The following TSGA10 variants were observed in gnomAD, a reference collection of about 807,000 sequenced individuals.
TSGA10 encodes testis specific 10, also known as testis-specific gene 10 protein.
A neutral mutation model predicts 96.6 loss-of-function variants in TSGA10; 43 were observed. The observed-to-expected ratio is 0.44, with a 90% CI of 0.35 to 0.57. The LOEUF (loss-of-function observed/expected upper bound fraction) is 0.57, where lower values mean the gene tolerates loss of function less well. Among genes scored for constraint, TSGA10 ranks in the 20% least tolerant of loss-of-function variants. The pLI is 0.01. For synonymous variants in TSGA10, 229 were observed against 269.9 expected (o/e 0.85, Z 1.48); for missense variants, 703 against 834.4 (o/e 0.84, Z 1.94).
intron 14 of TSGA10, among the ~76,000 whole-genome samples, chr2:99,069,228 C>A (rs1382922269): frequency 6.6e-6 from 1 of 152,104 alleles, no homozygotes; most frequent in African/African-American, 2.4e-5. Flanking sequence ...AAAAACTCTA[C>A]TAGCAACTGA....
chr2:99,124,554 G>A (rs1189750868), intron 2 of TSGA10, among the ~76,000 whole-genome samples: 1 of 151,738 alleles, frequency 6.6e-6, no homozygotes, highest in Non-Finnish European at 1.5e-5. Flanking sequence ...TGGTATATTT[G>A]TTACAATTGA....
chr2:99,043,692 C>T (rs1007221418), intron 16 of TSGA10, among the ~76,000 whole-genome samples: 8 of 152,100 alleles, frequency 5.3e-5, no homozygotes, highest in Non-Finnish European at 1.0e-4. Flanking sequence ...GGCTTCTAAG[C>T]AGAAACAATG....
At chr2:99,023,890 T>G (rs1474880548) in intron 17 of TSGA10, among the ~76,000 whole-genome samples, 2 of 152,200 alleles carry the variant, frequency 1.3e-5, no homozygotes, top group Non-Finnish European at 2.9e-5. Context: ...CACTTCCATA[T>G]GAATTTTAGA....
At chr2:99,148,983 GA>G (rs910240951) in intron 1 of TSGA10, among the ~76,000 whole-genome samples, 12 of 151,282 alleles carry the variant, frequency 7.9e-5, no homozygotes, top group South Asian at 2.1e-4. Context: ...ATATAGACTG[GA>G]AAAAAAATAA....
rs916351489 is a variant in TSGA10 at position 99,109,524 on chromosome 2, T to C, written c.-73-12A>G. On this transcript the variant is annotated splice_polypyrimidine_tract_variant and intron_variant, in intron 5 of 20. Transcript: ENST00000393483. ...CAAAGGAATCAAGTCTAGAAGGAGATTTATTTTGTGCTTTTTCAGTATCTA... is the reference window on the plus strand; with the variant it reads ...CAAAGGAATCAAGTCTAGAAGGAGACTTATTTTGTGCTTTTTCAGTATCTA... 5.2e-6 allele frequency: 8 copies of C among 1,536,036 alleles called. No homozygotes were observed. In the African/African-American group the frequency reaches 8.2e-5, roughly 16 times the overall value.
chr2:99,150,591 G>A, intron 1 of TSGA10: 1 of 1,613,258 alleles, frequency 6.2e-7, no homozygotes, highest in African/African-American at 1.3e-5. Context: ...CTGCTACTCA[G>A]GTATCTGCTA....
intron 16 of TSGA10, among the ~76,000 whole-genome samples, chr2:99,040,761 A>AC (rs1398797005): frequency 6.6e-6 from 1 of 152,166 alleles, no homozygotes; most frequent in African/African-American, 2.4e-5. Flanking sequence ...GAACCAGAAA[A>AC]AAAAAAACCT....
chr2:99,098,438 C>CAAAAAAAAAAAAAAAAAAAAAAA (rs59144676), intron 10 of TSGA10, among the ~76,000 whole-genome samples: 3 of 92,618 alleles, frequency 3.2e-5, no homozygotes, highest in African/African-American at 5.1e-5. Context: ...GACTCTGCCT[C>CAAAAAAAAAAAAAAAAAAAAAAA]AAAAAAAAAA....
intron 16 of TSGA10, among the ~76,000 whole-genome samples, chr2:99,041,987 A>G (rs2082226446): frequency 6.6e-6 from 1 of 151,820 alleles, no homozygotes; most frequent in Non-Finnish European, 1.5e-5. Context: ...AAAGAAACAA[A>G]CAATCTGATC....
rs114397878 is a variant in TSGA10, at chr2:99,000,034, G to A, written c.2073-1813C>T. 7.8e-3 allele frequency among the ~76,000 whole-genome samples: 1,183 copies of A among 152,304 alleles called. 10 individuals are homozygous for A. The highest frequency in any genetic ancestry group is 0.012 in the Non-Finnish European group (827 of 68,032). On this transcript the variant is annotated intron_variant, in intron 20 of 20. Coordinates refer to ENST00000393483, the MANE Select transcript of TSGA10 (RefSeq NM_025244.4). ...GTCTCCCAAAGTGCTAGGATTACAC[G>A]TGTGAGCAACCACGCCCAGTGTAAT...
intron 18 of TSGA10, among the ~76,000 whole-genome samples, chr2:99,019,371 A>C (rs553698109): frequency 7.9e-5 from 12 of 152,356 alleles, no homozygotes; most frequent in African/African-American, 2.9e-4. Context: ...ATTTCACAAA[A>C]GGTAGATTTC....
intron 20 of TSGA10, among the ~76,000 whole-genome samples, chr2:99,004,401 C>T (rs1476701603): frequency 6.6e-6 from 1 of 151,574 alleles, no homozygotes; most frequent in East Asian, 1.9e-4. Context: ...CCTTCTGAAA[C>T]TATTCCAATC....
chr2:99,045,603 C>T (rs1223565788), intron 16 of TSGA10, among the ~76,000 whole-genome samples: 2 of 152,160 alleles, frequency 1.3e-5, no homozygotes, highest in Non-Finnish European at 2.9e-5. Flanking sequence ...TGGAAAGGAA[C>T]AACTGGTACC....
At position 98,998,026 on chromosome 2, in the gene TSGA10, C is replaced by T. The variant is rs576668671; in HGVS notation, c.*171G>A. On this transcript the variant is annotated 3_prime_UTR_variant, in exon 21 of 21. Transcript: ENST00000393483. ...ATACATTTTTGTTTTTATAAGTCAT[C>T]TCAGATCACTGCAACATGGCACATT... is the stretch of plus-strand genomic sequence containing the variant. 405 of 612,022 alleles carry T rather than the reference C, an allele frequency of 6.6e-4. No homozygotes were observed. Among genetic ancestry groups the T allele is most frequent in the Non-Finnish European group, 1.0e-3 (373 of 359,734 alleles). 37.9% of individuals were successfully genotyped at this position (612,022 alleles called of 1,614,324 possible).
chr2:99,133,339 T>C (rs1255295806), intron 1 of TSGA10, among the ~76,000 whole-genome samples: 1 of 152,222 alleles, frequency 6.6e-6, no homozygotes, highest in Non-Finnish European at 1.5e-5. Flanking sequence ...CATTATGTAA[T>C]GCCCTTCTTT....
rs757935082 is a variant in TSGA10 at position 99,071,747 on chromosome 2, T to G, written c.1066A>C (p.Asn356His). The G allele has an allele frequency of 9.9e-6, 16 of 1,613,912 alleles. No individual in the cohort carries two copies. Among genetic ancestry groups the G allele is most frequent in the Non-Finnish European group, 1.4e-5 (16 of 1,179,914 alleles). The change falls in exon 14 of 21, where the codon AAT (asparagine) becomes CAT (histidine). Residue 356 changes from asparagine (N) to histidine (H), a missense_variant. Physicochemically the swap from Asn to His is moderately conservative, Grantham distance 68. This residue lies in a region of TSGA10 where 585 missense variants were observed against 656.8 expected (regional missense o/e 0.89). Coordinates refer to ENST00000393483, the MANE Select transcript of TSGA10 (RefSeq NM_025244.4). ...GCTTTAGCAAACTGTTCCTGGAGATTGTCATTGTCATGAGCCAAGATATCT... is the reference window on the plus strand; with the variant it reads ...GCTTTAGCAAACTGTTCCTGGAGATGGTCATTGTCATGAGCCAAGATATCT... Reference protein sequence around the residue: ...ERDILAHDNDNLQEQFAKAKQ... With the variant: ...ERDILAHDNDHLQEQFAKAKQ...
At chr2:99,014,126 G>C (rs2079269871) in intron 20 of TSGA10, among the ~76,000 whole-genome samples, 1 of 152,146 alleles carries the variant, frequency 6.6e-6, no homozygotes, top group South Asian at 2.1e-4. Flanking sequence ...TTGCACTCCA[G>C]CCTGGGCAAC....
At chr2:99,050,179 T>G (rs996821752) in intron 16 of TSGA10, among the ~76,000 whole-genome samples, 5 of 152,118 alleles carry the variant, frequency 3.3e-5, no homozygotes, top group African/African-American at 1.2e-4. Flanking sequence ...AAGGCTAACA[T>G]AACAAAAATC....
chr2:99,023,629 C>T (rs1003956918), intron 17 of TSGA10, among the ~76,000 whole-genome samples: 7 of 152,302 alleles, frequency 4.6e-5, no homozygotes, highest in African/African-American at 2.4e-5. Flanking sequence ...GTTGTCCCAA[C>T]GCCATTTGCT....
Sources: allele counts gnomAD v4.1 joint callset (sites outside exome capture counted in the v4.1 genomes callset), GRCh38; gene constraint gnomAD v4.1.1; regional missense constraint gnomAD v4.1.1; transcripts MANE v1.5; gene names NCBI Gene and HGNC (gene_info 2026-07-23, HGNC 2026-07-21).